Variants in CCSER1 observed in about 807,000 individuals in gnomAD.
CCSER1 encodes the protein serine-rich coiled-coil domain-containing protein 1.
In CCSER1, 41 loss-of-function variants were observed where a neutral mutation model predicts 82.0. The ratio of observed to expected loss-of-function variants is 0.50; its 90% CI spans 0.39 to 0.65. CCSER1 has a LOEUF of 0.65. CCSER1 is among the 30% of genes least tolerant of loss of function. The probability of loss-of-function intolerance (pLI) is 0.00; values close to 1 mark genes in which losing one functional copy is unlikely to be tolerated. For synonymous variants in CCSER1, 414 were observed against 383.9 expected (o/e 1.08, Z -0.92); for missense variants, 1,119 against 1,064.2 (o/e 1.05, Z -0.72).
At chr4:90,627,204 T>A (rs1723454472) in intron 5 of CCSER1, among the ~76,000 whole-genome samples, 1 of 152,208 alleles carries the variant, frequency 6.6e-6, no homozygotes, top group South Asian at 2.1e-4. Flanking sequence ...TTGAATATTA[T>A]TCAAAAATGT....
intron 10 of CCSER1, among the ~76,000 whole-genome samples, chr4:91,187,648 TTCAAGAGATTC>T (rs1280375072): frequency 6.6e-6 from 1 of 152,008 alleles, no homozygotes; most frequent in Non-Finnish European, 1.5e-5. Context: ...GCCTCTTGGG[TTCAAGAGATTC>T]TCCTTCCTCA....
At chr4:90,911,522 A>T (rs1561347861) in intron 8 of CCSER1, among the ~76,000 whole-genome samples, 1 of 152,238 alleles carries the variant, frequency 6.6e-6, no homozygotes, top group East Asian at 1.9e-4. Context: ...GCCAAATAGG[A>T]ACAGCTTCAG....
intron 7 of CCSER1, among the ~76,000 whole-genome samples, chr4:90,775,826 C>T (rs1377916): frequency 0.58 from 88,363 of 151,460 alleles, 26,057 homozygotes; most frequent in African/African-American, 0.66. Context: ...TTTAAAAATA[C>T]GACCACTTTG....
intron 1 of CCSER1, among the ~76,000 whole-genome samples, chr4:90,297,091 C>G (rs1447221047): frequency 1.3e-5 from 2 of 152,028 alleles, no homozygotes; most frequent in Admixed American, 6.6e-5. Context: ...GGCAGTATGG[C>G]CATTTTCACA....
intron 1 of CCSER1, among the ~76,000 whole-genome samples, chr4:90,244,174 T>C (rs540746164): frequency 2.0e-5 from 3 of 152,318 alleles, no homozygotes; most frequent in East Asian, 3.9e-4. Flanking sequence ...TTAACAGATA[T>C]TGTAGGTTAA....
At chr4:91,388,116 AGT>A (rs1479668402) in intron 10 of CCSER1, among the ~76,000 whole-genome samples, 1 of 152,024 alleles carries the variant, frequency 6.6e-6, no homozygotes, top group Non-Finnish European at 1.5e-5. Context: ...CCTGACCTCA[AGT>A]GATCCACCTG....
At chr4:90,685,999 G>A (rs1193964631) in intron 6 of CCSER1, among the ~76,000 whole-genome samples, 2 of 152,066 alleles carry the variant, frequency 1.3e-5, no homozygotes, top group Non-Finnish European at 2.9e-5. Context: ...GAGTGGGTTT[G>A]GTGAGCTGGT....
chr4:90,312,884 C>A lies in CCSER1; in HGVS notation c.1346C>A (p.Pro449Gln). 1 of 1,571,528 alleles carries A rather than the reference C, an allele frequency of 6.4e-7. No individual in the cohort carries two copies. The stretch of plus-strand genomic sequence containing the variant: ...ATAGTTCTTGCCAGTAGTCTCAGTC[C>A]ATTTCGTGAAGGAAGATTTATAGAG... ...PAKVLASSLS[P>Q]FREGRFIERR... Residue 449 changes from proline (P) to glutamine (Q), a missense_variant, in exon 3 of 11, where the codon CCA becomes CAA. By Grantham distance (76) the Pro-to-Gln change is moderately conservative. Transcript: ENST00000509176.
At chr4:90,818,279 CTT>C (rs1251264832) in intron 8 of CCSER1, among the ~76,000 whole-genome samples, 8 of 132,796 alleles carry the variant, frequency 6.0e-5, no homozygotes, top group Non-Finnish European at 4.9e-5. Context: ...TCTTTTTTTT[CTT>C]TTTTTTTTTT....
chr4:91,413,621 C>G (rs1014374914), intron 10 of CCSER1, among the ~76,000 whole-genome samples: 3 of 151,920 alleles, frequency 2.0e-5, no homozygotes, highest in African/African-American at 7.2e-5. Flanking sequence ...AGAGAAAAAG[C>G]CAGAAAGCTT....
intron 7 of CCSER1, among the ~76,000 whole-genome samples, chr4:90,786,161 G>A (rs1465149132): frequency 5.3e-5 from 8 of 152,120 alleles, no homozygotes; most frequent in African/African-American, 1.9e-4. Context: ...ATAGAAAGAC[G>A]ATGGCTCCTA....
intron 1 of CCSER1, among the ~76,000 whole-genome samples, chr4:90,295,876 C>G (rs540319223): frequency 6.6e-6 from 1 of 152,080 alleles, no homozygotes; most frequent in East Asian, 1.9e-4. Context: ...TAATCAGCTT[C>G]TCATGTTTGA....
chr4:90,832,195 A>T (rs1761208044), intron 8 of CCSER1, among the ~76,000 whole-genome samples: 1 of 152,094 alleles, frequency 6.6e-6, no homozygotes, highest in African/African-American at 2.4e-5. Flanking sequence ...TCTTGAAATA[A>T]AATAAAAATT....
At chr4:90,240,128 A>C (rs1008923428) in intron 1 of CCSER1, among the ~76,000 whole-genome samples, 3 of 152,154 alleles carry the variant, frequency 2.0e-5, no homozygotes, top group African/African-American at 4.8e-5. Flanking sequence ...GCATCCAGAG[A>C]TGGCCCATAG....
chr4:91,034,751 A>G (rs1460108289), intron 9 of CCSER1, among the ~76,000 whole-genome samples: 1 of 152,164 alleles, frequency 6.6e-6, no homozygotes, highest in Admixed American at 6.6e-5. Context: ...ATAAAGGATG[A>G]GGAAAACAAG....
chr4:91,317,086 T>A (rs1309577488), intron 10 of CCSER1, among the ~76,000 whole-genome samples: 5 of 152,038 alleles, frequency 3.3e-5, no homozygotes, highest in Admixed American at 3.3e-4. Flanking sequence ...TGTGGTGACA[T>A]GTTAATTAGA....
Position 91,157,216 on chromosome 4 carries a change from T to C in CCSER1, c.2217+71222T>C, listed in dbSNP as rs561782406. Among the ~76,000 whole-genome samples, 536 of 152,134 alleles carry C rather than the reference T, an allele frequency of 3.5e-3. 14 individuals carry two copies. Among genetic ancestry groups the C allele is most frequent in the Non-Finnish European group, 6.0e-3 (410 of 67,912 alleles). On this transcript the variant is annotated intron_variant, in intron 10 of 10. Transcript: ENST00000509176. ...GATGTCTTTCAGCAGCCAAAACTTA[T>C]GTTGTTGTTATTCGAAATCAGACTT...
intron 10 of CCSER1, among the ~76,000 whole-genome samples, chr4:91,468,190 A>G (rs181740038): frequency 2.0e-3 from 309 of 152,320 alleles, no homozygotes; most frequent in African/African-American, 7.1e-3. Context: ...GGAAGAGTTC[A>G]TGTCCTTTTT....
chr4:91,296,850 T>G (rs1744221285), intron 10 of CCSER1, among the ~76,000 whole-genome samples: 1 of 151,710 alleles, frequency 6.6e-6, no homozygotes, highest in Non-Finnish European at 1.5e-5. Context: ...GCAAGTTTAT[T>G]TACTGCACCC....
Sources: gnomAD v4.1 joint callset for allele counts (sites outside exome capture counted in the v4.1 genomes callset) on GRCh38, gnomAD v4.1.1 for gene constraint, MANE v1.5 for transcripts, NCBI Gene and HGNC (gene_info 2026-07-23, HGNC 2026-07-21) for gene names.